The following EHBP1L1 variants were observed in gnomAD, a reference collection of about 807,000 sequenced individuals.
The protein encoded by EHBP1L1 is EH domain binding protein 1 like 1, also known as EH domain-binding protein 1-like protein 1.
EHBP1L1 carries 122 observed loss-of-function variants against 151.1 expected under a neutral mutation model. That is an observed-to-expected ratio of 0.81 (90% CI 0.70 to 0.94). EHBP1L1 has a LOEUF of 0.94. Among genes scored for constraint, EHBP1L1 ranks in the 40% least tolerant of loss-of-function variants. The pLI is 0.00. For missense variants in EHBP1L1, 1,941 were observed against 1,959.8 expected (o/e 0.99, Z 0.18); for synonymous variants, 878 against 810.1 (o/e 1.08, Z -1.42).
chr11:65,579,803 G>A (rs1252582198), intron 3 of EHBP1L1, 133 bp from the exon 4 acceptor site: 7 of 943,774 alleles, frequency 7.4e-6, no homozygotes, highest in East Asian at 5.2e-5. Context: ...CTCCAGCCTC[G>A]ACGACAGAGG....
Position 65,581,060 on chromosome 11 carries a change from C to A in EHBP1L1, c.637C>A (p.Pro213Thr), listed in dbSNP as rs1415884854. 6.2e-7 allele frequency: 1 copy of A among 1,607,668 alleles called. No individual in the cohort carries two copies. Among genetic ancestry groups the A allele is most frequent in the East Asian group, 2.2e-5 (1 of 44,698 alleles). ...CTCCCCTCTCCTACCATTCCCAGATCCCTCTCGAGAGCTGAAGACGCTTTG... is the reference window on the plus strand; with the variant it reads ...CTCCCCTCTCCTACCATTCCCAGATACCTCTCGAGAGCTGAAGACGCTTTG... ...EARARVPQPD[P>T]SRELKTLCEE... is the part of the protein sequence containing the mutation. Residue 213 changes from proline (P) to threonine (T), a missense_variant and splice_region_variant, in exon 7 of 19, where the codon CCC (proline) becomes ACC (threonine). Pro to Thr is a conservative substitution (Grantham distance 38). Coordinates refer to ENST00000309295, the MANE Select transcript of EHBP1L1 (RefSeq NM_001099409.3).
In EHBP1L1 at chr11:65,592,021, T is replaced by G. The variant is rs1565135707; in HGVS notation, c.4403T>G (p.Leu1468Arg). 6.2e-7 allele frequency: 1 copy of G among 1,613,200 alleles called. No individual in the cohort carries two copies. The highest frequency in any genetic ancestry group is 1.7e-5 in the Admixed American group (1 of 60,016). ...SAQQHREQLL[L>R]EELVSLVNQR... ...CAGCAGCACCGAGAGCAGCTCCTACTGGAGGAGCTGGTGTCGCTGGTGAAC... is the reference window on the plus strand; with the variant it reads ...CAGCAGCACCGAGAGCAGCTCCTACGGGAGGAGCTGGTGTCGCTGGTGAAC... The change falls in exon 18 of 19, where the codon CTG (leucine) becomes CGG (arginine). Residue 1468 changes from leucine (L) to arginine (R), a missense_variant. Coordinates refer to ENST00000309295, the MANE Select transcript of EHBP1L1 (RefSeq NM_001099409.3).
Position 65,582,175 on chromosome 11 carries a change from T to G in EHBP1L1, c.1503T>G (p.Ala501=). The change falls in exon 9 of 19, where the codon GCT becomes GCG. Residue 501 remains alanine (A), a synonymous_variant. Transcript: ENST00000309295. ...GTGACCTCGAGGGGGCCAGGGCTGCTGCAGGCCAGGAGAGAGAGGGTGCAG... is the reference window on the plus strand; with the variant it reads ...GTGACCTCGAGGGGGCCAGGGCTGCGGCAGGCCAGGAGAGAGAGGGTGCAG... The part of the protein sequence containing the change: ...QLGDLEGARA[A]AGQEREGAEV... 1 of 1,570,028 alleles carries G rather than the reference T, an allele frequency of 6.4e-7. No individual in the cohort carries two copies. The highest frequency in any genetic ancestry group is 8.6e-7 in the Non-Finnish European group (1 of 1,159,698).
chr11:65,584,578 A>G, intron 11 of EHBP1L1, 44 bp downstream of exon 11: 1 of 1,594,230 alleles, frequency 6.3e-7, no homozygotes, highest in Non-Finnish European at 8.5e-7. Context: ...GAGGGTCTGG[A>G]GAGCCAGGCT....
chr11:65,590,321 G>A (rs1461786785), intron 15 of EHBP1L1, 111 bp downstream of exon 15: 12 of 1,536,372 alleles, frequency 7.8e-6, no homozygotes, highest in Non-Finnish European at 1.1e-5. Flanking sequence ...GCTGGCATCA[G>A]CGTTCCCATT....
intron 9 of EHBP1L1, 111 bp from the exon 10 acceptor site, chr11:65,584,130 C>T (rs1857800205): frequency 6.6e-7 from 1 of 1,510,090 alleles, no homozygotes; most frequent in Non-Finnish European, 8.8e-7. Flanking sequence ...TCTCTGGTGA[C>T]CCCTGCAAGC....
At chr11:65,589,489 G>A (rs546792688) in intron 12 of EHBP1L1, among the ~76,000 whole-genome samples, 8 of 152,214 alleles carry the variant, frequency 5.3e-5, no homozygotes, top group African/African-American at 1.7e-4. Flanking sequence ...GGGGAATTGG[G>A]AGGCTCGGAG....
rs1471474023 is a variant in EHBP1L1 at position 65,580,179 on chromosome 11, G to A, written c.411G>A (p.Leu137=). ...TCCAAGTCCCAGTGAGGCTGCGGCT[G>A]AAGCCAAAGTCAGTGAAGGTGGTGC... is the stretch of plus-strand genomic sequence containing the variant. ...VPVQVPVRLR[L]KPKSVKVVQA... is the part of the protein sequence containing the mutation. The change falls in exon 5 of 19, where the codon CTG becomes CTA. Residue 137 remains leucine, a synonymous_variant. Transcript: ENST00000309295. 6.2e-7 allele frequency: 1 copy of A among 1,613,596 alleles called. No homozygotes were observed. The highest frequency in any genetic ancestry group is 8.5e-7 in the Non-Finnish European group (1 of 1,179,816).
Position 65,582,430 on chromosome 11 carries a change from G to A in EHBP1L1, c.1758G>A (p.Glu586=), listed in dbSNP as rs566333922. 1 of 1,611,908 alleles carries A rather than the reference G, an allele frequency of 6.2e-7. No individual in the cohort carries two copies. Among genetic ancestry groups the A allele is most frequent in the South Asian group, 1.1e-5 (1 of 91,046 alleles). ...GGTTGGAGGTGCTGGGAACCCAGGA[G>A]AAAGAAGTTGAGGGGTCAGGGTTCC... ...VVGLEVLGTQ[E]KEVEGSGFPE... Residue 586 remains glutamate (E), a synonymous_variant, in exon 9 of 19, where the codon GAG becomes GAA. Transcript: ENST00000309295.
rs907849727 is a variant in EHBP1L1, at chr11:65,592,395, G to A, written c.*93G>A. ...TGCGGACGACCCGGCCGTCCCGGAGGCCGCGCGCGTGTCCGCTAGGGGCCG... is the reference window on the plus strand; with the variant it reads ...TGCGGACGACCCGGCCGTCCCGGAGACCGCGCGCGTGTCCGCTAGGGGCCG... On this transcript the variant is annotated 3_prime_UTR_variant, in exon 19 of 19. Transcript: ENST00000309295. 19 of 986,784 alleles carry A rather than the reference G, an allele frequency of 1.9e-5. No homozygotes were observed. In the African/African-American group the frequency reaches 3.3e-4, roughly 17 times the overall value. 61.1% of individuals were successfully genotyped at this position (986,784 alleles called of 1,614,324 possible). A position where few individuals can be genotyped will look rare whatever the true frequency, so the allele number is the denominator to read the frequency against.
At position 65,583,330 on chromosome 11, in the gene EHBP1L1, C is replaced by G; in HGVS notation, c.2658C>G (p.Val886=). ...AGGAAGAGGCTCAGACTTCGGGGGTCCAGGAAGCAGAGACTAGAGTTGGGA... is the reference window on the plus strand; with the variant it reads ...AGGAAGAGGCTCAGACTTCGGGGGTGCAGGAAGCAGAGACTAGAGTTGGGA... ...AEKEEAQTSG[V]QEAETRVGSA... Residue 886 remains valine, a synonymous_variant, in exon 9 of 19, where the codon GTC becomes GTG. Transcript: ENST00000309295. 1 of 1,613,606 alleles carries G rather than the reference C, an allele frequency of 6.2e-7. No homozygotes were observed. Among genetic ancestry groups the G allele is most frequent in the Non-Finnish European group, 8.5e-7 (1 of 1,179,784 alleles).
intron 9 of EHBP1L1, 159 bp downstream of exon 9, chr11:65,583,924 C>T: frequency 7.1e-7 from 1 of 1,416,006 alleles, no homozygotes; most frequent in Non-Finnish European, 9.2e-7. Context: ...TCTCAGGATG[C>T]CCTGGCTCTC....
intron 6 of EHBP1L1, among the ~76,000 whole-genome samples, chr11:65,580,714 C>T (rs1161601286): frequency 1.3e-5 from 2 of 152,158 alleles, no homozygotes; most frequent in Non-Finnish European, 2.9e-5. Flanking sequence ...GCTCCTGGGT[C>T]CTCTCCTCAT....
At chr11:65,588,614 C>T (rs2135315825) in intron 12 of EHBP1L1, among the ~76,000 whole-genome samples, 1 of 152,288 alleles carries the variant, frequency 6.6e-6, no homozygotes, top group South Asian at 2.1e-4. Flanking sequence ...CTGTCCCTGC[C>T]CCATGACCCC....
Position 65,579,074 on chromosome 11 carries a change from C to A in EHBP1L1, c.105-4C>A. The A allele has an allele frequency of 6.3e-7, 1 of 1,581,756 alleles. No homozygotes were observed. The highest frequency in any genetic ancestry group is 8.6e-7 in the Non-Finnish European group (1 of 1,163,880). On this transcript the variant is annotated splice_polypyrimidine_tract_variant and splice_region_variant and intron_variant, in intron 1 of 18. Transcript: ENST00000309295. ...CTTTCTCCCTCCCCTTCCCCCTCCC[C>A]CAGGCAGCCAGATAAGCTGGTGGTG...
At chr11:65,579,715 T>C (rs1289985627) in intron 3 of EHBP1L1, among the ~76,000 whole-genome samples, 1 of 151,328 alleles carries the variant, frequency 6.6e-6, no homozygotes, top group African/African-American at 2.4e-5. Flanking sequence ...TAATCCCAGC[T>C]ACTTGGGAGG....
Position 65,590,105 on chromosome 11 carries a change from A to T in EHBP1L1, c.4078A>T (p.Ser1360Cys). ...CCCCCAGCAACGGTTCCAGGACACA[A>T]GTCAGTACGTGTGTGCAGAGCTGCA... ...EAGLQRFQDT[S>C]QYVCAELQAL... The change falls in exon 15 of 19, where the codon AGT (serine) becomes TGT (cysteine). Residue 1360 changes from serine to cysteine, a missense_variant. By Grantham distance (112) the Ser-to-Cys change is moderately radical. Coordinates refer to ENST00000309295, the MANE Select transcript of EHBP1L1 (RefSeq NM_001099409.3). The T allele has an allele frequency of 1.2e-6, 2 of 1,613,890 alleles. No individual in the cohort carries two copies. Among genetic ancestry groups the T allele is most frequent in the Non-Finnish European group, 1.7e-6 (2 of 1,179,832 alleles).
chr11:65,580,307 C>A, intron 5 of EHBP1L1, 30 bp from the exon 6 acceptor site: 1 of 1,613,302 alleles, frequency 6.2e-7, no homozygotes, highest in Non-Finnish European at 8.5e-7. Flanking sequence ...ACCTCTGACT[C>A]CACCCTCACC....
In EHBP1L1 at chr11:65,582,143, C is replaced by T; in HGVS notation, c.1471C>T (p.Gln491Ter). The T allele has an allele frequency of 6.3e-7, 1 of 1,589,186 alleles. No homozygotes were observed. The highest frequency in any genetic ancestry group is 8.6e-7 in the Non-Finnish European group (1 of 1,168,234). Residue 491 changes from glutamine to a stop codon, truncating the protein, a stop_gained, in exon 9 of 19, where the codon CAA becomes TAA. Coordinates refer to ENST00000309295, the MANE Select transcript of EHBP1L1 (RefSeq NM_001099409.3). LOFTEE classifies it high-confidence loss of function. Reference sequence around the variant, plus strand: ...AGCGGAGCCTGCAGGGCACTCTGGGCAACTTGGTGACCTCGAGGGGGCCAG... The same window carrying T: ...AGCGGAGCCTGCAGGGCACTCTGGGTAACTTGGTGACCTCGAGGGGGCCAG... ...PPAEPAGHSG[Q>*]LGDLEGARAA...
Sources: gnomAD v4.1 joint callset for allele counts (sites outside exome capture counted in the v4.1 genomes callset) on GRCh38, gnomAD v4.1.1 for gene constraint, MANE v1.5 for transcripts, NCBI Gene and HGNC (gene_info 2026-07-23, HGNC 2026-07-21) for gene names.